The following KCTD2 variants were observed in gnomAD, a reference collection of about 807,000 sequenced individuals.
The protein encoded by KCTD2 is potassium channel tetramerization domain containing 2.
A neutral mutation model predicts 27.9 loss-of-function variants in KCTD2; 18 were observed. The ratio of observed to expected loss-of-function variants is 0.64; its 90% confidence interval spans 0.45 to 0.96. The LOEUF (loss-of-function observed/expected upper bound fraction) is 0.96, where lower values mean the gene tolerates loss of function less well. Ranked by LOEUF, KCTD2 falls within the 40% of genes least tolerant of loss-of-function variation. KCTD2 has a pLI of 0.00. For synonymous variants in KCTD2, 175 were observed against 148.4 expected, an observed-to-expected ratio of 1.18 and a Z score of -1.30; for missense variants, 280 against 348.0, an observed-to-expected ratio of 0.80 and a Z score of 1.56.
chr17:75,050,194 C>T (rs2073270143), intron 2 of KCTD2, among the ~76,000 whole-genome samples: 1 of 152,130 alleles, frequency 6.6e-6, no homozygotes, highest in Admixed American at 6.6e-5. Context: ...CAATTACCAA[C>T]TCATGGGTGA....
rs1399541764 is a variant in KCTD2 at position 75,064,765 on chromosome 17, G to A, written c.*1718G>A. 1 of 152,154 alleles carries A rather than the reference G, an allele frequency of 6.6e-6. No homozygotes were observed. The highest frequency in any genetic ancestry group is 1.9e-4 in the East Asian group (1 of 5,196). 9.4% of individuals were successfully genotyped at this position (152,154 alleles called of 1,614,324 possible). On this transcript the variant is annotated 3_prime_UTR_variant, in exon 6 of 6. Coordinates refer to ENST00000322444, the MANE Select transcript of KCTD2 (RefSeq NM_015353.3). ...TTCAAGAGTCACAGGCATCCATCCA[G>A]TCGTATCTTTCAGAGAAAAAAAAAG... is the stretch of plus-strand genomic sequence containing the variant.
intron 4 of KCTD2, 141 bp from the exon 5 acceptor site, chr17:75,061,979 T>C: frequency 1.1e-6 from 1 of 873,632 alleles, no homozygotes; most frequent in Non-Finnish European, 1.8e-6. Context: ...CCGGGGGCTT[T>C]GGTAGTCACA....
At chr17:75,057,665 T>C (rs907922727) in intron 3 of KCTD2, among the ~76,000 whole-genome samples, 43 of 151,390 alleles carry the variant, frequency 2.8e-4, no homozygotes, top group African/African-American at 1.0e-3. Context: ...GTTCAAGCAG[T>C]TCTCCCGCCT....
At chr17:75,042,157 T>C (rs767950776) in intron 3 of KCTD2, 11 of 1,600,628 alleles carry the variant, frequency 6.9e-6, no homozygotes, top group Non-Finnish European at 9.4e-6. Flanking sequence ...ACAAGCTCAG[T>C]GCTTTAGAGG....
chr17:75,035,290 G>T (rs1269432612), exon 3 of KCTD2: 1 of 152,128 alleles, frequency 6.6e-6, no homozygotes, highest in Admixed American at 6.5e-5. Flanking sequence ...AAGCTGGGGA[G>T]CTGCTTCTGT....
At chr17:75,036,215 G>C (rs1407887240) in intron 3 of KCTD2, among the ~76,000 whole-genome samples, 1 of 149,996 alleles carries the variant, frequency 6.7e-6, no homozygotes, top group Non-Finnish European at 1.5e-5. Flanking sequence ...CACTGGGCCC[G>C]GCCAGGGAAT....
intron 3 of KCTD2, among the ~76,000 whole-genome samples, chr17:75,058,419 G>A (rs552308077): frequency 2.6e-5 from 4 of 151,988 alleles, no homozygotes; most frequent in East Asian, 1.9e-4. Context: ...CAGGAGAATC[G>A]CTTGAACCAG....
intron 3 of KCTD2, chr17:75,042,036 C>T (rs755682846): frequency 1.0e-4 from 68 of 650,790 alleles, no homozygotes; most frequent in Non-Finnish European, 1.6e-4. Flanking sequence ...ACAGTTCAAT[C>T]GACCACAAGG....
intron 1 of KCTD2, 43 bp downstream of exon 1, chr17:75,047,632 C>T: frequency 4.5e-6 from 7 of 1,572,388 alleles, no homozygotes; most frequent in Non-Finnish European, 5.2e-6. Context: ...TTCGAACCCC[C>T]TGGTTTCTCG....
intron 3 of KCTD2, among the ~76,000 whole-genome samples, chr17:75,053,942 A>G (rs2073322131): frequency 7.5e-6 from 1 of 132,956 alleles, no homozygotes; most frequent in Admixed American, 8.8e-5. Context: ...GGATTACAGG[A>G]GTGAGCCACC....
chr17:75,036,288 A>C (rs1384505278), intron 3 of KCTD2, among the ~76,000 whole-genome samples: 3 of 151,802 alleles, frequency 2.0e-5, no homozygotes, highest in African/African-American at 7.3e-5. Flanking sequence ...ACACTGGCTA[A>C]TTTTTTGTAT....
chr17:75,048,145 C>T (rs1307761234), intron 1 of KCTD2, among the ~76,000 whole-genome samples: 1 of 152,108 alleles, frequency 6.6e-6, no homozygotes, highest in Non-Finnish European at 1.5e-5. Context: ...TGGTTTAGGT[C>T]CATATTTAGA....
intron 2 of KCTD2, among the ~76,000 whole-genome samples, chr17:75,051,004 T>G (rs1276713942): frequency 3.3e-5 from 5 of 150,274 alleles, no homozygotes; most frequent in Non-Finnish European, 5.9e-5. Flanking sequence ...GACGGAGTCT[T>G]GCTCTGTTGC....
intron 1 of KCTD2, among the ~76,000 whole-genome samples, chr17:75,033,755 C>T (rs1041982033): frequency 1.3e-5 from 2 of 152,208 alleles, no homozygotes; most frequent in Non-Finnish European, 2.9e-5. Context: ...GGGGCAGGTC[C>T]CTGCGCACCG....
intron 3 of KCTD2, among the ~76,000 whole-genome samples, chr17:75,056,309 T>C (rs886609987): frequency 1.3e-5 from 2 of 152,236 alleles, no homozygotes; most frequent in African/African-American, 4.8e-5. Context: ...TCTTTCACTA[T>C]TGTAGATATT....
intron 2 of KCTD2, among the ~76,000 whole-genome samples, chr17:75,035,020 A>G (rs1013975453): frequency 1.3e-5 from 2 of 152,120 alleles, no homozygotes; most frequent in African/African-American, 4.8e-5. Flanking sequence ...GCTTCGCTCA[A>G]CAGGCGGCCA....
intron 2 of KCTD2, among the ~76,000 whole-genome samples, chr17:75,049,892 A>G (rs2073266933): frequency 6.6e-6 from 1 of 152,190 alleles, no homozygotes; most frequent in Non-Finnish European, 1.5e-5. Flanking sequence ...GGTCTAGTCC[A>G]CTTTCTACAA....
At chr17:75,035,100 A>G (rs559061759) in intron 2 of KCTD2, 12 of 152,262 alleles carry the variant, frequency 7.9e-5, no homozygotes, top group East Asian at 7.8e-4. Context: ...TCTAGGAGGT[A>G]GCTGCAGCCG....
At chr17:75,040,084 C>CT (rs745653532) in intron 3 of KCTD2, 1 of 1,613,710 alleles carries the variant, frequency 6.2e-7, no homozygotes, top group Non-Finnish European at 8.5e-7. Context: ...GGAGCCTCAA[C>CT]TACTTACATC....
Sources: gnomAD v4.1 joint callset for allele counts (sites outside exome capture counted in the v4.1 genomes callset) on GRCh38, gnomAD v4.1.1 for gene constraint, MANE v1.5 for transcripts, NCBI Gene and HGNC (gene_info 2026-07-23, HGNC 2026-07-21) for gene names.